NRDC: variants seen among roughly 807,000 people sequenced by gnomAD.
The protein encoded by NRDC is nardilysin convertase.
NRDC carries 54 observed loss-of-function variants against 147.1 expected under a neutral mutation model. The ratio of observed to expected loss-of-function variants is 0.37; its 90% CI spans 0.29 to 0.46. NRDC has a LOEUF of 0.46. Ranked by LOEUF, NRDC falls within the 20% of genes least tolerant of loss-of-function variation. NRDC has a pLI of 1.00. For synonymous variants in NRDC, 440 were observed against 482.1 expected (o/e 0.91, Z 1.14); for missense variants, 1,082 against 1,370.6 (o/e 0.79, Z 3.33).
chr1:51,836,662 C>T (rs1247137038), intron 2 of NRDC, among the ~76,000 whole-genome samples: 8 of 151,838 alleles, frequency 5.3e-5, no homozygotes, highest in African/African-American at 1.9e-4. Context: ...AGATGTGAAA[C>T]CTGTCAACAT....
At chr1:51,801,768 G>A (rs1045971957) in intron 20 of NRDC, among the ~76,000 whole-genome samples, 2 of 152,006 alleles carry the variant, frequency 1.3e-5, no homozygotes, top group Non-Finnish European at 2.9e-5. Flanking sequence ...AATGTCCGCT[G>A]ATAGTTCTTT....
chr1:51,855,491 G>GAA (rs56862218), intron 1 of NRDC, among the ~76,000 whole-genome samples: 2 of 144,976 alleles, frequency 1.4e-5, no homozygotes, highest in South Asian at 2.2e-4. Context: ...CCCTTATAAA[G>GAA]AAAAAAAAAA....
intron 17 of NRDC, among the ~76,000 whole-genome samples, chr1:51,807,535 C>A (rs1679524258): frequency 6.6e-6 from 1 of 152,068 alleles, no homozygotes; most frequent in African/African-American, 2.4e-5. Flanking sequence ...AGAGAGACCA[C>A]ATCTCTAGAA....
rs1680922862 is a variant in NRDC at position 51,835,508 on chromosome 1, C to T, written c.712+623G>A. On this transcript the variant is annotated intron_variant, in intron 3 of 30. Transcript: ENST00000352171. Reference sequence around the variant, plus strand: ...TTTTGAGACAGTCTTGCTCTATCACCCAAGCTGGAGTACAGTGGCACAGCC... The same window carrying T: ...TTTTGAGACAGTCTTGCTCTATCACTCAAGCTGGAGTACAGTGGCACAGCC... Among the ~76,000 whole-genome samples the T allele has an allele frequency of 3.4e-5, 5 of 146,418 alleles. No homozygotes were observed. The South Asian group carries it at 1.1e-3, about 31-fold the overall frequency.
Position 51,818,154 on chromosome 1 carries a change from CAGA to C in NRDC, c.1292-22_1292-20del. The C allele has an allele frequency of 6.5e-7, 1 of 1,545,160 alleles. No individual in the cohort carries two copies. The highest frequency in any genetic ancestry group is 8.8e-7 in the Non-Finnish European group (1 of 1,131,864). ...GGAACAACTAAACAAAAATATTTTCCAGAAGAACAGATGTAAGTGTTTCTCTAT... is the reference window on the plus strand; with the variant it reads ...GGAACAACTAAACAAAAATATTTTCCAGAACAGATGTAAGTGTTTCTCTAT... On this transcript the variant is annotated intron_variant, in intron 9 of 30. Coordinates refer to ENST00000352171, the MANE Select transcript of NRDC (RefSeq NM_001101662.2).
At chr1:51,834,921 C>A (rs1557918895) in intron 3 of NRDC, among the ~76,000 whole-genome samples, 1 of 151,802 alleles carries the variant, frequency 6.6e-6, no homozygotes, top group Non-Finnish European at 1.5e-5. Flanking sequence ...TTAATGGCTA[C>A]TATAAAAATT....
At chr1:51,810,658 C>T (rs182030511) in intron 15 of NRDC, among the ~76,000 whole-genome samples, 1 of 152,310 alleles carries the variant, frequency 6.6e-6, no homozygotes, top group Admixed American at 6.5e-5. Context: ...TTAAATCCTA[C>T]ATATTAACAG....
At chr1:51,834,230 C>T in intron 3 of NRDC, 60 bp from the exon 4 acceptor site, 3 of 1,553,966 alleles carry the variant, frequency 1.9e-6, no homozygotes, top group South Asian at 2.3e-5. Context: ...TTTTATCACA[C>T]ATGAACTTTC....
intron 1 of NRDC, among the ~76,000 whole-genome samples, chr1:51,842,199 T>G (rs891462378): frequency 6.6e-5 from 10 of 150,720 alleles, no homozygotes; most frequent in African/African-American, 2.4e-4. Flanking sequence ...TAATAAAAAA[T>G]AATCACATTT....
chr1:51,807,350 C>G (rs1679514407), intron 17 of NRDC, among the ~76,000 whole-genome samples: 1 of 152,182 alleles, frequency 6.6e-6, no homozygotes, highest in African/African-American at 2.4e-5. Flanking sequence ...ACAACAGTTT[C>G]ATTATCACAT....
chr1:51,841,029 T>G (rs1182618276), intron 1 of NRDC, among the ~76,000 whole-genome samples: 1 of 152,244 alleles, frequency 6.6e-6, no homozygotes, highest in Non-Finnish European at 1.5e-5. Context: ...CAAAGCTGCC[T>G]TTATGAACTA....
At position 51,840,456 on chromosome 1, in the gene NRDC, C is replaced by G. The variant is rs1438184818; in HGVS notation, c.400G>C (p.Glu134Gln). ...TCTGTTGTATTTCCTGTTTTACCTTCCATATTACTTAGGTCTGAAATCAGA... is the reference window on the plus strand; with the variant it reads ...TCTGTTGTATTTCCTGTTTTACCTTGCATATTACTTAGGTCTGAAATCAGA... ...ALLISDLSNM[E>Q]GKTGNTTDDE... Residue 134 changes from glutamate (E) to glutamine (Q), a missense_variant, in exon 2 of 31, where the codon GAA becomes CAA. Around this residue, in one of 3 missense-constraint regions of NRDC, gnomAD observed 260 missense variants for 253.2 expected, o/e 1.03. Transcript: ENST00000352171. The G allele has an allele frequency of 3.1e-6, 5 of 1,612,872 alleles. No individual in the cohort carries two copies. The highest frequency in any genetic ancestry group is 2.2e-5 in the East Asian group (1 of 44,810).
intron 1 of NRDC, among the ~76,000 whole-genome samples, chr1:51,846,011 A>C (rs1332656119): frequency 6.6e-6 from 1 of 152,250 alleles, no homozygotes; most frequent in African/African-American, 2.4e-5. Context: ...ATGCATATAA[A>C]GTTACAACAA....
intron 13 of NRDC, 98 bp from the exon 14 acceptor site, chr1:51,814,187 T>C: frequency 1.3e-6 from 1 of 752,718 alleles, no homozygotes; most frequent in South Asian, 1.6e-5. Flanking sequence ...AAGGTAACTA[T>C]TGGGTAGTAG....
At chr1:51,863,032 A>AC (rs1490937108) in intron 1 of NRDC, among the ~76,000 whole-genome samples, 1 of 150,528 alleles carries the variant, frequency 6.6e-6, no homozygotes, top group Non-Finnish European at 1.5e-5. Flanking sequence ...AAAAAAAAAA[A>AC]AAAAAACAAG....
intron 1 of NRDC, among the ~76,000 whole-genome samples, chr1:51,859,265 ATATG>A (rs1318695798): frequency 1.3e-5 from 2 of 152,350 alleles, no homozygotes; most frequent in East Asian, 3.9e-4. Flanking sequence ...GTCTGTGTCT[ATATG>A]TGTTACTTGT....
At position 51,798,326 on chromosome 1, in the gene NRDC, A is replaced by T; in HGVS notation, c.2527T>A (p.Ser843Thr). ...QALMDGLSLE[S>T]LLSFVKEFKS... ...AATTCTTTGACGAAGCTCAGCAGAG[A>T]CTCAAGGGAAAGGCCGTCCATCAAA... The change falls in exon 22 of 31, where the codon TCT becomes ACT. Residue 843 changes from serine (S) to threonine (T), a missense_variant. This residue lies in a region of NRDC where 635 missense variants were observed against 923.8 expected (regional missense o/e 0.69). Transcript: ENST00000352171. 6.2e-7 allele frequency: 1 copy of T among 1,614,106 alleles called. No homozygotes were observed.
chr1:51,819,459 T>A (rs1456344759), intron 9 of NRDC, among the ~76,000 whole-genome samples: 6 of 152,332 alleles, frequency 3.9e-5, no homozygotes, highest in Admixed American at 2.0e-4. Flanking sequence ...TTCCCTCTCA[T>A]CTATTTTTAT....
chr1:51,823,798 T>C lies in NRDC; in HGVS notation c.1037-12A>G. 1 of 1,569,760 alleles carries C rather than the reference T, an allele frequency of 6.4e-7. No homozygotes were observed. The highest frequency in any genetic ancestry group is 1.2e-5 in the South Asian group (1 of 84,132). On this transcript the variant is annotated splice_polypyrimidine_tract_variant and intron_variant, in intron 6 of 30. Transcript: ENST00000352171. ...CGTCTCAGCATTTCCTATAAAAGAA[T>C]GAAAAAAATTATAGATATAACTAAG...
Sources: gnomAD v4.1 joint callset for allele counts (sites outside exome capture counted in the v4.1 genomes callset) on GRCh38, gnomAD v4.1.1 for gene constraint, gnomAD v4.1.1 regional missense constraint, MANE v1.5 for transcripts, NCBI Gene and HGNC (gene_info 2026-07-23, HGNC 2026-07-21) for gene names.